The following PCDHGA3 variants were observed in gnomAD, a reference collection of about 807,000 sequenced individuals.
PCDHGA3 encodes protocadherin gamma subfamily A, 3.
Under a neutral mutation model 58.5 loss-of-function variants are expected in PCDHGA3, and 40 were observed. That is an observed-to-expected ratio of 0.68 (90% confidence interval 0.53 to 0.89). PCDHGA3 has a LOEUF of 0.89. Ranked by LOEUF, PCDHGA3 falls within the 40% of genes least tolerant of loss-of-function variation. The pLI is 0.00. For missense variants in PCDHGA3, 1,223 were observed against 1,195.9 expected (o/e 1.02, Z -0.33); for synonymous variants, 530 against 525.7 (o/e 1.01, Z -0.11).
Position 141,443,643 on chromosome 5 carries a change from A to C in PCDHGA3, c.2425-51164A>C, listed in dbSNP as rs188777289. The stretch of plus-strand genomic sequence containing the variant: ...GTGATTGTAAAAATTGATCCAGATA[A>C]TGTTAGCATAGCATTTTACTGAACT... On this transcript the variant is annotated intron_variant, in intron 1 of 3. Coordinates refer to ENST00000253812, the MANE Select transcript of PCDHGA3 (RefSeq NM_018916.4). Among the ~76,000 whole-genome samples, 238 of 152,370 alleles carry C rather than the reference A, an allele frequency of 1.6e-3. 2 individuals are homozygous for C. The highest frequency in any genetic ancestry group is 2.5e-3 in the Non-Finnish European group (169 of 68,028).
At position 141,346,415 on chromosome 5, in the gene PCDHGA3, T is replaced by C; in HGVS notation, c.2382T>C (p.Thr794=). The change falls in exon 1 of 4, where the codon ACT becomes ACC. Residue 794 remains threonine, a synonymous_variant. Coordinates refer to ENST00000253812, the MANE Select transcript of PCDHGA3 (RefSeq NM_018916.4). ...AGAAAAGCGAGCCTCTTCTGATAAC[T>C]CAGGATTTACTTGAAATGAAAGGAG... The part of the protein sequence containing the change: ...SCEKSEPLLI[T]QDLLEMKGDS... 2 of 1,614,240 alleles carry C rather than the reference T, an allele frequency of 1.2e-6. No individual in the cohort carries two copies. The highest frequency in any genetic ancestry group is 1.7e-6 in the Non-Finnish European group (2 of 1,180,038).
rs962794399 is a variant in PCDHGA3, at chr5:141,449,958, AT to A, written c.2425-44841del. Among the ~76,000 whole-genome samples, 332 of 148,828 alleles carry A rather than the reference AT, an allele frequency of 2.2e-3. 1 individual carries two copies. The highest frequency in any genetic ancestry group is 6.8e-3 in the Admixed American group (101 of 14,904). Reference sequence around the variant, plus strand: ...GTATATTTTACTATACCTCATAGTAATTTTTTTTAGTCCAAAATATCACACA... The same window carrying A: ...GTATATTTTACTATACCTCATAGTAATTTTTTTAGTCCAAAATATCACACA... On this transcript the variant is annotated intron_variant, in intron 1 of 3. Coordinates refer to ENST00000253812, the MANE Select transcript of PCDHGA3 (RefSeq NM_018916.4).
intron 1 of PCDHGA3, chr5:141,418,211 C>T (rs752988020): frequency 1.2e-6 from 2 of 1,613,916 alleles, no homozygotes; most frequent in East Asian, 4.5e-5. Context: ...AAATATTTTT[C>T]ATGTCATTGT....
chr5:141,417,647 C>G, intron 1 of PCDHGA3: 8 of 812,384 alleles, frequency 9.8e-6, no homozygotes, highest in Non-Finnish European at 1.5e-5. Flanking sequence ...ATCCCTCAGC[C>G]TCTAGCCTGG....
chr5:141,372,030 G>T, intron 1 of PCDHGA3: 2 of 1,613,446 alleles, frequency 1.2e-6, no homozygotes, highest in Non-Finnish European at 1.7e-6. Flanking sequence ...CAGCGCCAAC[G>T]TGAGCCTGCG....
intron 1 of PCDHGA3, chr5:141,409,496 C>CT (rs1276498782): frequency 6.2e-7 from 1 of 1,614,044 alleles, no homozygotes; most frequent in South Asian, 1.1e-5. Context: ...CAAGCCGCCT[C>CT]TTTCTTCCAG....
At chr5:141,502,951 C>G (rs1444086718) in intron 2 of PCDHGA3, among the ~76,000 whole-genome samples, 1 of 147,768 alleles carries the variant, frequency 6.8e-6, no homozygotes, top group African/African-American at 2.6e-5. Context: ...TCAAGCGATT[C>G]TCCTGCCTCA....
intron 1 of PCDHGA3, among the ~76,000 whole-genome samples, chr5:141,473,069 A>G (rs552033483): frequency 3.9e-4 from 59 of 152,180 alleles, no homozygotes; most frequent in South Asian, 8.3e-4. Flanking sequence ...AAGTTACAGC[A>G]TCTTTGTTTA....
At chr5:141,350,897 G>A (rs748000231) in intron 1 of PCDHGA3, 1 of 1,614,028 alleles carries the variant, frequency 6.2e-7, no homozygotes, top group Admixed American at 1.7e-5. Context: ...GACTGCCATG[G>A]ATGGCGGGGA....
chr5:141,356,021 A>G lies in PCDHGA3; in HGVS notation c.2424+9564A>G, dbSNP rs752812560. The G allele has an allele frequency of 3.1e-6, 5 of 1,613,992 alleles. No individual in the cohort carries two copies. Among genetic ancestry groups the G allele is most frequent in the Non-Finnish European group, 4.2e-6 (5 of 1,179,894 alleles). ...GCCACTGATCCAGATGAAGGAGCCA[A>G]TGGAGACGTGACGTATTCTTTCCGG... On this transcript the variant is annotated intron_variant, in intron 1 of 3. Transcript: ENST00000253812.
intron 1 of PCDHGA3, chr5:141,400,506 G>A (rs771674964): frequency 3.7e-6 from 6 of 1,613,830 alleles, no homozygotes; most frequent in Non-Finnish European, 5.1e-6. Context: ...CCAGCGAGTC[G>A]ACTTCCCATC....
At chr5:141,428,307 C>T (rs759382004) in intron 1 of PCDHGA3, 5 of 688,034 alleles carry the variant, frequency 7.3e-6, no homozygotes, top group Non-Finnish European at 5.1e-6. Flanking sequence ...TTTACCTGGT[C>T]GTGGCCTTGG....
intron 1 of PCDHGA3, among the ~76,000 whole-genome samples, chr5:141,425,668 T>C (rs2096887740): frequency 1.3e-5 from 2 of 152,260 alleles, no homozygotes; most frequent in South Asian, 4.1e-4. Context: ...GCACATCAGA[T>C]TGAAAATAAT....
chr5:141,388,161 G>A (rs2150354529), intron 1 of PCDHGA3: 4 of 1,475,088 alleles, frequency 2.7e-6, no homozygotes, highest in South Asian at 1.2e-5. Flanking sequence ...GCTAGACAGG[G>A]AGGAGATATG....
chr5:141,418,916 T>C (rs766021059), intron 1 of PCDHGA3: 26 of 1,613,830 alleles, frequency 1.6e-5, no homozygotes, highest in Non-Finnish European at 1.7e-6. Context: ...CACGTCACTC[T>C]CTGATCAGAT....
At chr5:141,365,172 T>C in intron 1 of PCDHGA3, 2 of 1,613,882 alleles carry the variant, frequency 1.2e-6, no homozygotes, top group Non-Finnish European at 1.7e-6. Context: ...ACCTACTCTT[T>C]TCGCAATGAA....
chr5:141,409,720 A>C (rs2095305667), intron 1 of PCDHGA3: 1 of 1,613,176 alleles, frequency 6.2e-7, no homozygotes, highest in Non-Finnish European at 8.5e-7. Context: ...CATACGTGTC[A>C]GTGAGCGCGC....
chr5:141,448,511 A>C (rs2098593334), intron 1 of PCDHGA3, among the ~76,000 whole-genome samples: 1 of 152,076 alleles, frequency 6.6e-6, no homozygotes, highest in Admixed American at 6.6e-5. Context: ...ACATTTTATA[A>C]CTTTATTAAG....
chr5:141,490,804 T>C lies in PCDHGA3; in HGVS notation c.2425-4003T>C. On this transcript the variant is annotated intron_variant, in intron 1 of 3. Coordinates refer to ENST00000253812, the MANE Select transcript of PCDHGA3 (RefSeq NM_018916.4). This position sits in a 1 kb window ranked among gnomAD's most constrained non-coding sequence, Gnocchi z 5.4. The stretch of plus-strand genomic sequence containing the variant: ...TGGACGGATCTTTGCCCAGCGTACC[T>C]TTGACTATGAATTGCTGCAGATGCT... 2 of 1,613,854 alleles carry C rather than the reference T, an allele frequency of 1.2e-6. No homozygotes were observed. Among genetic ancestry groups the C allele is most frequent in the Non-Finnish European group, 1.7e-6 (2 of 1,179,816 alleles).
Sources: allele counts gnomAD v4.1 joint callset (sites outside exome capture counted in the v4.1 genomes callset), GRCh38; gene constraint gnomAD v4.1.1; non-coding constraint Gnocchi (gnomAD v3.1); transcripts MANE v1.5; gene names NCBI Gene and HGNC (gene_info 2026-07-23, HGNC 2026-07-21).